Variants in GRM5 observed in about 807,000 individuals in gnomAD.
GRM5 encodes the protein metabotropic glutamate receptor 5.
A neutral mutation model predicts 83.1 loss-of-function variants in GRM5; 19 were observed. The ratio of observed to expected loss-of-function variants is 0.23; its 90% confidence interval spans 0.16 to 0.34. The LOEUF is 0.34. Among genes scored for constraint, GRM5 ranks in the 10% least tolerant of loss-of-function variants. The pLI, the probability that GRM5 is intolerant of heterozygous loss-of-function variation, is 1.00. For missense variants in GRM5, 1,160 were observed against 1,588.3 expected (o/e 0.73, Z 4.58); for synonymous variants, 675 against 633.6 (o/e 1.07, Z -0.98).
chr11:88,509,552 G>A (rs575249684), intron 9 of GRM5, 48 bp from the exon 10 acceptor site: 1 of 1,442,198 alleles, frequency 6.9e-7, no homozygotes, highest in Non-Finnish European at 9.7e-7. Flanking sequence ...GTGCCCAGGG[G>A]GCTTGGATGC....
intron 3 of GRM5, among the ~76,000 whole-genome samples, chr11:88,758,394 C>T (rs546033707): frequency 6.6e-6 from 1 of 152,224 alleles, no homozygotes; most frequent in East Asian, 1.9e-4. Flanking sequence ...ATGTAACCAA[C>T]CCAATAGACG....
At chr11:88,949,031 G>A (rs962761072) in intron 2 of GRM5, among the ~76,000 whole-genome samples, 1 of 152,150 alleles carries the variant, frequency 6.6e-6, no homozygotes, top group Non-Finnish European at 1.5e-5. Flanking sequence ...GGCTTGCTTT[G>A]TTTCCTCTTT....
At chr11:88,553,913 A>T (rs1942566177) in intron 8 of GRM5, among the ~76,000 whole-genome samples, 1 of 152,130 alleles carries the variant, frequency 6.6e-6, no homozygotes, top group Non-Finnish European at 1.5e-5. Context: ...CCTTTTGCCT[A>T]ATCCAAGATA....
chr11:88,914,058 G>A (rs1194858315), intron 2 of GRM5, among the ~76,000 whole-genome samples: 1 of 152,110 alleles, frequency 6.6e-6, no homozygotes, highest in Non-Finnish European at 1.5e-5. Context: ...TCTGTACCTT[G>A]CCAATGCTCT....
At chr11:88,824,576 T>A (rs1943861294) in intron 3 of GRM5, among the ~76,000 whole-genome samples, 1 of 152,194 alleles carries the variant, frequency 6.6e-6, no homozygotes, top group African/African-American at 2.4e-5. Context: ...AGGCATTACA[T>A]TCTCATAAGT....
chr11:88,578,250 T>C (rs1943153958), intron 7 of GRM5, among the ~76,000 whole-genome samples: 2 of 152,246 alleles, frequency 1.3e-5, no homozygotes, highest in Admixed American at 6.5e-5. Context: ...AGGAGGAATT[T>C]ATCTGCTTCA....
chr11:88,656,978 C>T (rs539515610), intron 3 of GRM5, among the ~76,000 whole-genome samples: 1 of 152,100 alleles, frequency 6.6e-6, no homozygotes, highest in Admixed American at 6.6e-5. Flanking sequence ...GAGGAAGTGT[C>T]CTGGAGCCAA....
chr11:88,604,286 G>A (rs1056401597), intron 5 of GRM5, among the ~76,000 whole-genome samples: 11 of 152,138 alleles, frequency 7.2e-5, no homozygotes, highest in South Asian at 2.1e-4. Flanking sequence ...CTTGCTGTAC[G>A]TACAGCAAAC....
chr11:88,999,369 T>C lies in GRM5; in HGVS notation c.661+47843A>G, dbSNP rs536651147. Among the ~76,000 whole-genome samples the C allele has an allele frequency of 4.6e-5, 7 of 152,184 alleles. No individual in the cohort carries two copies. In the East Asian group the frequency reaches 1.4e-3, roughly 29 times the overall value. ...CAAAGGGCTAACAATATCCAGAACC[T>C]ACAATGAACTCAAACAAATTTACAA... On this transcript the variant is annotated intron_variant, in intron 2 of 9. Coordinates refer to ENST00000305447, the MANE Select transcript of GRM5 (RefSeq NM_001143831.3).
At chr11:88,969,309 A>G (rs1336162126) in intron 2 of GRM5, among the ~76,000 whole-genome samples, 3 of 152,120 alleles carry the variant, frequency 2.0e-5, no homozygotes, top group Non-Finnish European at 4.4e-5. Context: ...TGTGAGAAAC[A>G]CTACCCAATG....
At chr11:88,682,266 G>A (rs1159587820) in intron 3 of GRM5, among the ~76,000 whole-genome samples, 1 of 152,096 alleles carries the variant, frequency 6.6e-6, no homozygotes. Context: ...TGCCTATTTA[G>A]GACACCAGGA....
chr11:88,715,866 T>C (rs1158510655), intron 3 of GRM5, among the ~76,000 whole-genome samples: 1 of 152,006 alleles, frequency 6.6e-6, no homozygotes, highest in South Asian at 2.1e-4. Flanking sequence ...TAACCCATGG[T>C]GTTTGCTGAA....
chr11:88,591,633 A>G (rs751665034), intron 6 of GRM5, among the ~76,000 whole-genome samples: 4 of 152,234 alleles, frequency 2.6e-5, no homozygotes, highest in Non-Finnish European at 5.9e-5. Context: ...TGCTAACTCT[A>G]GTAATGACCT....
chr11:88,882,271 A>AATAAATAAATAT (rs56061989), intron 2 of GRM5, among the ~76,000 whole-genome samples: 3 of 151,014 alleles, frequency 2.0e-5, no homozygotes, highest in Non-Finnish European at 4.4e-5. Flanking sequence ...TAAATAAATA[A>AATAAATAAATAT]TAAAAAGAAA....
chr11:88,795,492 A>G (rs1943259339), intron 3 of GRM5, among the ~76,000 whole-genome samples: 3 of 152,350 alleles, frequency 2.0e-5, no homozygotes, highest in South Asian at 4.1e-4. Flanking sequence ...GGCAAATATA[A>G]TAGTGAAAGG....
intron 3 of GRM5, among the ~76,000 whole-genome samples, chr11:88,775,863 T>C (rs1942835161): frequency 6.6e-6 from 1 of 151,980 alleles, no homozygotes; most frequent in South Asian, 2.1e-4. Context: ...CTTCCAATTA[T>C]GTGGTCAATC....
Position 88,523,654 on chromosome 11 carries a change from T to C in GRM5, c.2726+1655A>G, listed in dbSNP as rs531226649. Among the ~76,000 whole-genome samples, 7 of 152,300 alleles carry C rather than the reference T, an allele frequency of 4.6e-5. No individual in the cohort carries two copies. In the East Asian group the frequency reaches 1.4e-3, roughly 29 times the overall value. On this transcript the variant is annotated intron_variant, in intron 9 of 9. Coordinates refer to ENST00000305447, the MANE Select transcript of GRM5 (RefSeq NM_001143831.3). ...GCCTACACATGTACACACACTATCA[T>C]TGCCTTGTCTCTGAGAACCATAGAC...
intron 3 of GRM5, among the ~76,000 whole-genome samples, chr11:88,676,649 G>A (rs1486415156): frequency 6.6e-6 from 1 of 151,998 alleles, no homozygotes; most frequent in Non-Finnish European, 1.5e-5. Flanking sequence ...TTTCAATTGT[G>A]TTGATAAATT....
At chr11:89,006,743 T>C (rs1940538080) in intron 2 of GRM5, among the ~76,000 whole-genome samples, 1 of 152,206 alleles carries the variant, frequency 6.6e-6, no homozygotes, top group Non-Finnish European at 1.5e-5. Flanking sequence ...CTTGTCCTCC[T>C]CTTTCTCCCA....
Sources: allele counts gnomAD v4.1 joint callset (sites outside exome capture counted in the v4.1 genomes callset), GRCh38; gene constraint gnomAD v4.1.1; transcripts MANE v1.5; gene names NCBI Gene and HGNC (gene_info 2026-07-23, HGNC 2026-07-21).